Variants in VPS37A observed in about 807,000 individuals in gnomAD.
VPS37A encodes VPS37A subunit of ESCRT-I.
VPS37A carries 30 observed loss-of-function variants against 49.8 expected under a neutral mutation model. The ratio of observed to expected loss-of-function variants is 0.60; its 90% CI spans 0.45 to 0.82. The LOEUF (loss-of-function observed/expected upper bound fraction) is 0.82. Among genes scored for constraint, VPS37A ranks in the 40% least tolerant of loss-of-function variants. VPS37A has a pLI of 0.00. For synonymous variants in VPS37A, 195 were observed against 160.6 expected, an observed-to-expected ratio of 1.21 and a Z score of -1.62; for missense variants, 593 against 464.4, an observed-to-expected ratio of 1.28 and a Z score of -2.55.
intron 11 of VPS37A, among the ~76,000 whole-genome samples, chr8:17,290,148 G>A (rs1464597398): frequency 6.6e-6 from 1 of 152,194 alleles, no homozygotes; most frequent in African/African-American, 2.4e-5. Context: ...TCTGCAAACA[G>A]AGAAAAATTG....
At chr8:17,250,694 T>A (rs1222328291) in intron 1 of VPS37A, among the ~76,000 whole-genome samples, 2 of 152,214 alleles carry the variant, frequency 1.3e-5, no homozygotes, top group Non-Finnish European at 2.9e-5. Context: ...AGTCTCTTTT[T>A]GTCCCTTTCT....
intron 1 of VPS37A, chr8:17,247,870 A>C (rs1314882876): frequency 1.5e-6 from 1 of 666,226 alleles, no homozygotes; most frequent in Non-Finnish European, 2.7e-6. Context: ...CTTATCACGT[A>C]GTCAGTCTTC....
At chr8:17,256,532 C>T (rs962463216) in intron 1 of VPS37A, among the ~76,000 whole-genome samples, 2 of 151,490 alleles carry the variant, frequency 1.3e-5, no homozygotes, top group South Asian at 2.1e-4. Flanking sequence ...CTCATGTATT[C>T]GGTAGTTAAT....
At chr8:17,328,659 C>G in the VPS37A span, among the ~76,000 whole-genome samples, 3 of 152,058 alleles carry the variant, frequency 2.0e-5, no homozygotes, top group African/African-American at 7.2e-5. Flanking sequence ...GTGCAGCAAA[C>G]CATCATGGCA....
intron 11 of VPS37A, among the ~76,000 whole-genome samples, chr8:17,293,119 T>C (rs1816298060): frequency 6.6e-6 from 1 of 152,108 alleles, no homozygotes; most frequent in Non-Finnish European, 1.5e-5. Flanking sequence ...TTTCACATAG[T>C]CCCATGTTTC....
chr8:17,294,024 C>T (rs574657312), intron 11 of VPS37A, among the ~76,000 whole-genome samples: 4 of 152,286 alleles, frequency 2.6e-5, no homozygotes, highest in South Asian at 2.1e-4. Flanking sequence ...CAGGCAGGAA[C>T]GTTTAAGTGT....
At chr8:17,316,679 AT>A in the VPS37A span, among the ~76,000 whole-genome samples, 1 of 152,234 alleles carries the variant, frequency 6.6e-6, no homozygotes, top group Admixed American at 6.5e-5. Context: ...ACAACAAAAA[AT>A]AATGGTAATA....
At chr8:17,319,746 G>A in the VPS37A span, among the ~76,000 whole-genome samples, 4 of 152,164 alleles carry the variant, frequency 2.6e-5, no homozygotes, top group African/African-American at 4.8e-5. Context: ...TGATGGATAC[G>A]TGGTGAGACG....
chr8:17,247,738 T>G (rs1811438342), intron 1 of VPS37A: 1 of 702,528 alleles, frequency 1.4e-6, no homozygotes, highest in African/African-American at 1.7e-5. Flanking sequence ...GCAGAATTGT[T>G]AAAATACAAT....
In VPS37A at chr8:17,297,622, A is replaced by T. The variant is rs1816786906; in HGVS notation, c.*2636A>T. The T allele has an allele frequency of 1.3e-5, 2 of 152,072 alleles. No homozygotes were observed. Among genetic ancestry groups the T allele is most frequent in the African/African-American group, 4.8e-5 (2 of 41,452 alleles). The allele number at this position is 152,072 out of a possible 1,614,324, so 9.4% of individuals were successfully genotyped here. On this transcript the variant is annotated 3_prime_UTR_variant, in exon 12 of 12. Coordinates refer to ENST00000324849, the MANE Select transcript of VPS37A (RefSeq NM_152415.3). ...TTCTATATATTACTAATTGGGAAGT[A>T]ATATGCCTCAAATCAGTTTTATACT... is the stretch of plus-strand genomic sequence containing the variant.
At chr8:17,279,832 T>C in intron 6 of VPS37A, 196 bp from the exon 7 acceptor site, 1 of 677,438 alleles carries the variant, frequency 1.5e-6, no homozygotes. Context: ...GTCAAGAATA[T>C]ATTACAGACT....
intron 6 of VPS37A, 110 bp downstream of exon 6, chr8:17,276,577 A>G (rs563884533): frequency 1.6e-5 from 17 of 1,083,950 alleles, no homozygotes; most frequent in Non-Finnish European, 2.1e-5. Flanking sequence ...CACTAATCCT[A>G]AACAATATTG....
the VPS37A span, among the ~76,000 whole-genome samples, chr8:17,332,397 G>A: frequency 1.3e-5 from 2 of 152,134 alleles, no homozygotes; most frequent in African/African-American, 4.8e-5. Context: ...ATTGAAAAAA[G>A]CTGAAAACCC....
At chr8:17,332,538 T>A in the VPS37A span, among the ~76,000 whole-genome samples, 1 of 152,166 alleles carries the variant, frequency 6.6e-6, no homozygotes, top group East Asian at 1.9e-4. Flanking sequence ...ACGATGGGGT[T>A]ATATCATGAT....
chr8:17,290,373 G>A (rs1410469908), intron 11 of VPS37A, among the ~76,000 whole-genome samples: 1 of 152,146 alleles, frequency 6.6e-6, no homozygotes, highest in Non-Finnish European at 1.5e-5. Flanking sequence ...CTAGTTTACT[G>A]AGTGTTTTTA....
At position 17,247,276 on chromosome 8, in the gene VPS37A, C is replaced by G. The variant is rs1273541123; in HGVS notation, c.32C>G (p.Ala11Gly). 6.4e-6 allele frequency: 10 copies of G among 1,568,128 alleles called. No homozygotes were observed. The highest frequency in any genetic ancestry group is 8.6e-6 in the Non-Finnish European group (10 of 1,156,594). The change falls in exon 1 of 12, where the codon GCC becomes GGC. Residue 11 changes from alanine to glycine, a missense_variant. Coordinates refer to ENST00000324849, the MANE Select transcript of VPS37A (RefSeq NM_152415.3). MSWLFPLTKS[A>G]SSSAAGSPGG... ...TGGCTTTTTCCCCTGACCAAGAGCG[C>G]CTCCTCCTCCGCGGCTGGGTCCCCC...
chr8:17,300,053 C>G (rs367618699), downstream of VPS37A: 8 of 1,614,144 alleles, frequency 5.0e-6, no homozygotes, highest in Admixed American at 5.0e-5. Flanking sequence ...GAATCTTCAT[C>G]GCCTTGTGAA....
chr8:17,323,008 T>C, the VPS37A span, among the ~76,000 whole-genome samples: 1 of 146,152 alleles, frequency 6.8e-6, no homozygotes, highest in East Asian at 2.1e-4. Flanking sequence ...AGTGCAGTGG[T>C]GTGATCTCGG....
At chr8:17,332,847 T>G in the VPS37A span, among the ~76,000 whole-genome samples, 1 of 152,182 alleles carries the variant, frequency 6.6e-6, no homozygotes, top group Non-Finnish European at 1.5e-5. Context: ...TTTGCGTGTT[T>G]ATCAAGCAGA....
Sources: gnomAD v4.1 joint callset for allele counts (sites outside exome capture counted in the v4.1 genomes callset) on GRCh38, gnomAD v4.1.1 for gene constraint, MANE v1.5 for transcripts, NCBI Gene and HGNC (gene_info 2026-07-23, HGNC 2026-07-21) for gene names.